The following TP53BP1 variants were observed in gnomAD, a reference collection of about 807,000 sequenced individuals.
TP53BP1 encodes tumor protein p53 binding protein 1.
Under a neutral mutation model 200.8 loss-of-function variants are expected in TP53BP1, and 61 were observed. The observed-to-expected ratio is 0.30, with a 90% CI of 0.25 to 0.38. The LOEUF (loss-of-function observed/expected upper bound fraction) is 0.38. Among genes scored for constraint, TP53BP1 ranks in the 10% least tolerant of loss-of-function variants. TP53BP1 has a pLI of 1.00. For synonymous variants in TP53BP1, 822 were observed against 844.3 expected (o/e 0.97, Z 0.46); for missense variants, 2,144 against 2,371.9 (o/e 0.90, Z 2.00).
chr15:43,508,925 T>A (rs1458747909), intron 1 of TP53BP1, among the ~76,000 whole-genome samples: 1 of 152,218 alleles, frequency 6.6e-6, no homozygotes, highest in East Asian at 1.9e-4. Flanking sequence ...AATCAGTGTG[T>A]GATCCTTCCC....
Position 43,404,538 on chromosome 15 carries a change from T to A in TP53BP1, c.*2845A>T, listed in dbSNP as rs2142902208. 6.2e-7 allele frequency: 1 copy of A among 1,614,124 alleles called. No individual in the cohort carries two copies. The highest frequency in any genetic ancestry group is 1.3e-5 in the African/African-American group (1 of 75,044). On this transcript the variant is annotated 3_prime_UTR_variant, in exon 28 of 28. Transcript: ENST00000382044. ...ATAACAAATACTATACCCAGGCTGGTGGAACTCTGGGCAGGTAGGAGCAAC... is the reference window on the plus strand; with the variant it reads ...ATAACAAATACTATACCCAGGCTGGAGGAACTCTGGGCAGGTAGGAGCAAC...
chr15:43,495,287 CAGG>C, upstream of TP53BP1, among the ~76,000 whole-genome samples: 1 of 151,868 alleles, frequency 6.6e-6, no homozygotes, highest in Middle Eastern at 3.4e-3. Context: ...ATCATGAGGT[CAGG>C]AGATCGAGAC....
rs767476937 is a variant in TP53BP1 at position 43,470,007 on chromosome 15, G to A, written c.1240C>T (p.Leu414Phe). The stretch of plus-strand genomic sequence containing the variant: ...AACTCCACTGGTTCACCACTTTGAA[G>A]TTTCTTCTGAAAAGGCTCTCCTCCT... ...EEGGEPFQKK[L>F]QSGEPVELEN... is the part of the protein sequence containing the mutation. Residue 414 changes from leucine to phenylalanine, a missense_variant, in exon 11 of 28, where the codon CTT becomes TTT. By Grantham distance (22) the Leu-to-Phe change is conservative. Transcript: ENST00000382044. 8.7e-6 allele frequency: 14 copies of A among 1,613,656 alleles called. No homozygotes were observed. The African/African-American group carries it at 1.6e-4, about 18-fold the overall frequency.
intron 14 of TP53BP1, among the ~76,000 whole-genome samples, chr15:43,445,030 G>A (rs1248196909): frequency 2.0e-5 from 3 of 152,062 alleles, no homozygotes; most frequent in Non-Finnish European, 4.4e-5. Flanking sequence ...AGGCATAAAT[G>A]GGTTAAAATC....
At chr15:43,479,621 A>G (rs2078934109) in intron 6 of TP53BP1, 95 bp from the exon 7 acceptor site, 1 of 1,388,648 alleles carries the variant, frequency 7.2e-7, no homozygotes, top group Non-Finnish European at 9.8e-7. Context: ...AGATTTTAAC[A>G]GAAGTCCAAT....
At chr15:43,408,176 G>C in intron 26 of TP53BP1, 88 bp from the exon 27 acceptor site, 2 of 1,340,128 alleles carry the variant, frequency 1.5e-6, no homozygotes, top group Non-Finnish European at 2.1e-6. Flanking sequence ...ACATCTGAAT[G>C]CTTTCAAAAA....
At chr15:43,446,729 G>A in intron 13 of TP53BP1, 139 bp from the exon 14 acceptor site, 1 of 1,517,794 alleles carries the variant, frequency 6.6e-7, no homozygotes, top group Non-Finnish European at 8.8e-7. Context: ...ATAGATCCCT[G>A]TCATAAGTAT....
intron 4 of TP53BP1, among the ~76,000 whole-genome samples, chr15:43,482,983 T>C (rs2078995988): frequency 1.3e-5 from 2 of 152,086 alleles, no homozygotes; most frequent in Admixed American, 6.6e-5. Flanking sequence ...CTGAATTGGA[T>C]CTTAGATGCT....
intron 16 of TP53BP1, among the ~76,000 whole-genome samples, chr15:43,433,312 T>C (rs1021283948): frequency 1.3e-5 from 2 of 152,232 alleles, no homozygotes; most frequent in Non-Finnish European, 2.9e-5. Context: ...TTTTCATAAG[T>C]CATCCCATTT....
chr15:43,421,615 C>G (rs1288188759), intron 19 of TP53BP1: 1 of 593,406 alleles, frequency 1.7e-6, no homozygotes, highest in Non-Finnish European at 2.9e-6. Flanking sequence ...AAAGTCCCCT[C>G]CCCTGTTACC....
chr15:43,502,150 C>T (rs1368528248), intron 1 of TP53BP1, among the ~76,000 whole-genome samples: 1 of 152,006 alleles, frequency 6.6e-6, no homozygotes, highest in Non-Finnish European at 1.5e-5. Context: ...GAGGCCTTAT[C>T]TCTACAAAAA....
chr15:43,491,075 A>T (rs1056141516), intron 4 of TP53BP1, among the ~76,000 whole-genome samples: 11 of 143,114 alleles, frequency 7.7e-5, no homozygotes, highest in South Asian at 2.2e-4. Context: ...ATACTCCTAA[A>T]TTTTTTTTTT....
chr15:43,489,981 C>T (rs1385910811), intron 4 of TP53BP1, among the ~76,000 whole-genome samples: 2 of 152,112 alleles, frequency 1.3e-5, no homozygotes, highest in African/African-American at 2.4e-5. Context: ...GGCACAATCA[C>T]GGCTGACTGC....
rs546814443 is a variant in TP53BP1 at position 43,455,843 on chromosome 15, C to T, written c.2716+49G>A. The T allele has an allele frequency of 4.4e-5, 70 of 1,599,278 alleles. No homozygotes were observed. The Middle Eastern group carries it at 5.0e-4, about 11-fold the overall frequency. On this transcript the variant is annotated intron_variant, in intron 12 of 27. Transcript: ENST00000382044. Reference sequence around the variant, plus strand: ...ATGCAGTTCTCGCCAACTTTCCATTCCAGATTATAATTTAGGTGGAGACAA... The same window carrying T: ...ATGCAGTTCTCGCCAACTTTCCATTTCAGATTATAATTTAGGTGGAGACAA...
Position 43,415,690 on chromosome 15 carries a change from A to T in TP53BP1, c.4993T>A (p.Ser1665Thr). 2 of 1,614,116 alleles carry T rather than the reference A, an allele frequency of 1.2e-6. No homozygotes were observed. The highest frequency in any genetic ancestry group is 1.7e-6 in the Non-Finnish European group (2 of 1,180,012). The change falls in exon 23 of 28, where the codon TCC becomes ACC. Residue 1665 changes from serine to threonine, a missense_variant. Transcript: ENST00000382044. The part of the protein sequence containing the change: ...TRKITESPRA[S>T]MGVLSGKRKL... ...CTTTTGCCTGAGAGAACTCCCATGG[A>T]GGCACGAGGACTTTCTGTGATCTTT...
Position 43,488,124 on chromosome 15 carries a change from C to A in TP53BP1, c.371+3545G>T, listed in dbSNP as rs575111131. On this transcript the variant is annotated intron_variant, in intron 4 of 27. Coordinates refer to ENST00000382044, the MANE Select transcript of TP53BP1 (RefSeq NM_001141980.3). Reference sequence around the variant, plus strand: ...GACCACCCTGGCCAATACAGCAAAACCCCATCTCTACAAAAAGTTAAAAAA... The same window carrying A: ...GACCACCCTGGCCAATACAGCAAAAACCCATCTCTACAAAAAGTTAAAAAA... Among the ~76,000 whole-genome samples the A allele has an allele frequency of 2.0e-5, 3 of 152,140 alleles. No homozygotes were observed. The East Asian group carries it at 5.8e-4, about 29-fold the overall frequency.
chr15:43,404,768 G>C lies in TP53BP1; in HGVS notation c.*2615C>G, dbSNP rs1322199034. On this transcript the variant is annotated 3_prime_UTR_variant, in exon 28 of 28. Coordinates refer to ENST00000382044, the MANE Select transcript of TP53BP1 (RefSeq NM_001141980.3). ...AAAATACTAAAAAACCTGACAGTGA[G>C]ATAGGTGTTAAGTCCTTTGCTAGGT... 3 of 582,420 alleles carry C rather than the reference G, an allele frequency of 5.2e-6. No homozygotes were observed. The highest frequency in any genetic ancestry group is 8.8e-6 in the Non-Finnish European group (3 of 340,656). The allele number at this position is 582,420 out of a possible 1,614,324, so 36.1% of individuals were successfully genotyped here.
Position 43,404,401 on chromosome 15 carries a change from TTC to T in TP53BP1, c.*2980_*2981del, listed in dbSNP as rs1158156506. The T allele has an allele frequency of 1.9e-6, 3 of 1,613,944 alleles. No homozygotes were observed. In the Admixed American group the frequency reaches 5.0e-5, roughly 27 times the overall value. On this transcript the variant is annotated 3_prime_UTR_variant, in exon 28 of 28. Coordinates refer to ENST00000382044, the MANE Select transcript of TP53BP1 (RefSeq NM_001141980.3). ...CTGAAGTGGAATGACAGCTGAGTCCTTCTCTCTGCAGGGCTTTAGCCGCCAGT... is the reference window on the plus strand; with the variant it reads ...CTGAAGTGGAATGACAGCTGAGTCCTTCTCTGCAGGGCTTTAGCCGCCAGT...
At chr15:43,410,436 T>C (rs141017333) in intron 24 of TP53BP1, among the ~76,000 whole-genome samples, 2 of 152,062 alleles carry the variant, frequency 1.3e-5, no homozygotes, top group Non-Finnish European at 2.9e-5. Context: ...GTAGAAGATA[T>C]GAGAGATGAG....
Sources: allele counts gnomAD v4.1 joint callset (sites outside exome capture counted in the v4.1 genomes callset), GRCh38; gene constraint gnomAD v4.1.1; transcripts MANE v1.5; gene names NCBI Gene and HGNC (gene_info 2026-07-23, HGNC 2026-07-21).